Variants in AP5Z1 observed in about 807,000 individuals in gnomAD.
AP5Z1 encodes the protein AP-5 complex subunit zeta-1.
In AP5Z1, 106 loss-of-function variants were observed where a neutral mutation model predicts 83.0. The observed-to-expected ratio is 1.28, with a 90% CI of 1.09 to 1.50. The LOEUF (loss-of-function observed/expected upper bound fraction) is 1.50. Among genes scored for constraint, AP5Z1 ranks in the 40% most tolerant of loss-of-function variants. The probability of loss-of-function intolerance (pLI) is 0.00; values close to 1 mark genes in which losing one functional copy is unlikely to be tolerated. For missense variants in AP5Z1, 1,565 were observed against 1,094.2 expected, an observed-to-expected ratio of 1.43 and a Z score of -6.07; for synonymous variants, 751 against 514.1, an observed-to-expected ratio of 1.46 and a Z score of -6.23.
chr7:4,783,592 A>G (rs1000166805), intron 4 of AP5Z1, 97 bp from the exon 5 acceptor site: 23 of 1,522,686 alleles, frequency 1.5e-5, no homozygotes, highest in Non-Finnish European at 2.0e-5. Flanking sequence ...GGGACGCTGC[A>G]GGATTCTGTT....
chr7:4,781,265 C>T lies in AP5Z1; in HGVS notation c.132C>T (p.Ser44=). ...AEDLGPDTLD[S]LQRLFLIISA... ...ACTTGGGGCCGGACACCCTCGACTC[C>T]CTGCAGAGGCTCTTCCTCATCATCT... The change falls in exon 2 of 17, where the codon TCC becomes TCT. Residue 44 remains serine, a synonymous_variant. Coordinates refer to ENST00000649063, the MANE Select transcript of AP5Z1 (RefSeq NM_014855.3). 1 of 1,613,810 alleles carries T rather than the reference C, an allele frequency of 6.2e-7. No homozygotes were observed. The highest frequency in any genetic ancestry group is 1.1e-5 in the South Asian group (1 of 91,080).
Position 4,789,911 on chromosome 7 carries a change from A to G in AP5Z1, c.1787A>G (p.Tyr596Cys), listed in dbSNP as rs189075558. 1 of 1,548,286 alleles carries G rather than the reference A, an allele frequency of 6.5e-7. No individual in the cohort carries two copies. The highest frequency in any genetic ancestry group is 1.2e-5 in the South Asian group (1 of 83,926). Reference sequence around the variant, plus strand: ...GACTCGCTCTACCCGGCCCCAGGGTACGCTGCCGGTGTGCACAGGTAGGTC... The same window carrying G: ...GACTCGCTCTACCCGGCCCCAGGGTGCGCTGCCGGTGTGCACAGGTAGGTC... ...RSDSLYPAPG[Y>C]AAGVHSVLSS... The change falls in exon 14 of 17, where the codon TAC (tyrosine) becomes TGC (cysteine). Residue 596 changes from tyrosine to cysteine, a missense_variant. Coordinates refer to ENST00000649063, the MANE Select transcript of AP5Z1 (RefSeq NM_014855.3).
At chr7:4,778,253 AC>A (rs1781277253) in intron 1 of AP5Z1, among the ~76,000 whole-genome samples, 2 of 152,184 alleles carry the variant, frequency 1.3e-5, no homozygotes, top group South Asian at 4.1e-4. Flanking sequence ...TTTGGAGTGA[AC>A]TTTAGTTTCT....
At chr7:4,784,596 C>T (rs372741197) in intron 6 of AP5Z1, among the ~76,000 whole-genome samples, 2 of 152,240 alleles carry the variant, frequency 1.3e-5, no homozygotes, top group Admixed American at 6.5e-5. Context: ...CTGGACACCC[C>T]GTGACCCTCA....
Position 4,790,390 on chromosome 7 carries a change from C to G in AP5Z1, c.1806-69C>G, listed in dbSNP as rs1781722230. The G allele has an allele frequency of 1.9e-6, 3 of 1,608,258 alleles. No homozygotes were observed. The Middle Eastern group carries it at 5.0e-4, about 266-fold the overall frequency. On this transcript the variant is annotated intron_variant, in intron 14 of 16. Coordinates refer to ENST00000649063, the MANE Select transcript of AP5Z1 (RefSeq NM_014855.3). ...CAGACGCTTCCCGGGTTTCTCCAGGCCCTTGGCCTGGATGGGGATGGGGTC... is the reference window on the plus strand; with the variant it reads ...CAGACGCTTCCCGGGTTTCTCCAGGGCCTTGGCCTGGATGGGGATGGGGTC...
At chr7:4,790,424 G>C in intron 14 of AP5Z1, 35 bp from the exon 15 acceptor site, 1 of 1,612,526 alleles carries the variant, frequency 6.2e-7, no homozygotes, top group South Asian at 1.1e-5. Context: ...TCATAGGTCT[G>C]CACAGAGCAG....
intron 11 of AP5Z1, 40 bp from the exon 12 acceptor site, chr7:4,788,114 G>A: frequency 4.0e-6 from 6 of 1,490,446 alleles, no homozygotes; most frequent in Non-Finnish European, 2.7e-6. Context: ...TGAGTGCAGG[G>A]GCCGCATCCC....
rs768056824 is a variant in AP5Z1, at chr7:4,785,061, C to T, written c.931+13C>T. Reference sequence around the variant, plus strand: ...CAAAGTAACCGACGTGAGTCCCCCACCCAGGGCACTGGCCTCCCCAGGGCT... The same window carrying T: ...CAAAGTAACCGACGTGAGTCCCCCATCCAGGGCACTGGCCTCCCCAGGGCT... On this transcript the variant is annotated intron_variant, in intron 7 of 16. Transcript: ENST00000649063. 5.7e-6 allele frequency: 9 copies of T among 1,585,716 alleles called. No homozygotes were observed. Among genetic ancestry groups the T allele is most frequent in the South Asian group, 2.3e-5 (2 of 87,742 alleles).
rs1322773707 is a variant in AP5Z1, at chr7:4,792,497, AACGGAGCAGGGG to A, written c.*1115_*1126del. 1.3e-5 allele frequency: 2 copies of A among 152,304 alleles called. No individual in the cohort carries two copies. Among genetic ancestry groups the A allele is most frequent in the Non-Finnish European group, 2.9e-5 (2 of 68,158 alleles). 9.4% of individuals were successfully genotyped at this position (152,304 alleles called of 1,614,324 possible). A position where few individuals can be genotyped will look rare whatever the true frequency, so the allele number is the denominator to read the frequency against. ...TGGAGGGGGCGAGTGACGCGCAAGG[AACGGAGCAGGGG>A]ACACCGTGCGGGCTCAGGAGCTCCC... On this transcript the variant is annotated 3_prime_UTR_variant, in exon 17 of 17. Transcript: ENST00000649063.
chr7:4,783,478 C>A lies in AP5Z1; in HGVS notation c.511+18C>A. 6.2e-7 allele frequency: 1 copy of A among 1,607,964 alleles called. No homozygotes were observed. Among genetic ancestry groups the A allele is most frequent in the Non-Finnish European group, 8.5e-7 (1 of 1,177,020 alleles). Reference sequence around the variant, plus strand: ...CCAGGAGGGTACGCGGGGCCCCTCCCAAGAGGCTGTTGGGGGTCTGCCTTC... The same window carrying A: ...CCAGGAGGGTACGCGGGGCCCCTCCAAAGAGGCTGTTGGGGGTCTGCCTTC... On this transcript the variant is annotated intron_variant, in intron 4 of 16. Coordinates refer to ENST00000649063, the MANE Select transcript of AP5Z1 (RefSeq NM_014855.3).
intron 12 of AP5Z1, chr7:4,788,570 G>C (rs965815770): frequency 2.0e-6 from 1 of 504,064 alleles, no homozygotes; most frequent in East Asian, 3.2e-5. Flanking sequence ...TGGACAAACC[G>C]AGCCTGAGCC....
chr7:4,785,713 C>A lies in AP5Z1; in HGVS notation c.1132+29C>A, dbSNP rs757315810. On this transcript the variant is annotated intron_variant, in intron 9 of 16. Coordinates refer to ENST00000649063, the MANE Select transcript of AP5Z1 (RefSeq NM_014855.3). ...AGCCCAGGGTGGGGTGGCGCTGACT[C>A]GGGGCTCTGCTTCTGCCTTTAGTTT... is the stretch of plus-strand genomic sequence containing the variant. 3 of 1,440,514 alleles carry A rather than the reference C, an allele frequency of 2.1e-6. No individual in the cohort carries two copies. The African/African-American group carries it at 4.3e-5, about 21-fold the overall frequency. The allele number at this position is 1,440,514 out of a possible 1,614,324, so 89.2% of individuals were successfully genotyped here. A position where few individuals can be genotyped will look rare whatever the true frequency, so the allele number is the denominator to read the frequency against.
chr7:4,788,586 A>C, intron 12 of AP5Z1: 3 of 496,510 alleles, frequency 6.0e-6, no homozygotes, highest in Non-Finnish European at 1.1e-5. Context: ...GAGCCCAGGA[A>C]GCAGGAGGCC....
rs549896800 is a variant in AP5Z1, at chr7:4,784,757, G to T, written c.791-151G>T. 1.1e-4 allele frequency: 118 copies of T among 1,088,742 alleles called. No homozygotes were observed. The South Asian group carries it at 2.0e-3, about 18-fold the overall frequency. 67.4% of individuals were successfully genotyped at this position (1,088,742 alleles called of 1,614,324 possible). A position where few individuals can be genotyped will look rare whatever the true frequency, so the allele number is the denominator to read the frequency against. On this transcript the variant is annotated intron_variant, in intron 6 of 16. Transcript: ENST00000649063. ...GGGCGGCCGTGATGGGGAAGCTGCC[G>T]GGTGGGTGGACGTCCTGAGACGGTG...
intron 3 of AP5Z1, among the ~76,000 whole-genome samples, chr7:4,781,992 C>CA (rs1448091477): frequency 6.6e-6 from 1 of 152,220 alleles, no homozygotes; most frequent in Non-Finnish European, 1.5e-5. Context: ...TTTGGTTTCT[C>CA]AGACAGAGCC....
intron 5 of AP5Z1, among the ~76,000 whole-genome samples, 194 bp downstream of exon 5, chr7:4,783,992 G>T (rs569186400): frequency 6.6e-6 from 1 of 152,124 alleles, no homozygotes; most frequent in Non-Finnish European, 1.5e-5. Flanking sequence ...CTGTGCGCGG[G>T]TTCAGTCCCA....
intron 10 of AP5Z1, among the ~76,000 whole-genome samples, chr7:4,786,630 C>G (rs112745897): frequency 2.6e-5 from 4 of 152,176 alleles, no homozygotes; most frequent in African/African-American, 9.6e-5. Context: ...TGTCCAAGAA[C>G]TCCCTTGTGG....
rs1160242747 is a variant in AP5Z1 at position 4,785,589 on chromosome 7, G to A, written c.1037G>A (p.Ser346Asn). The A allele has an allele frequency of 6.2e-7, 1 of 1,603,474 alleles. No homozygotes were observed. The highest frequency in any genetic ancestry group is 2.2e-5 in the East Asian group (1 of 44,568). The change falls in exon 9 of 17, where the codon AGT becomes AAT. Residue 346 changes from serine (S) to asparagine (N), a missense_variant. Ser to Asn is a conservative substitution (Grantham distance 46). Coordinates refer to ENST00000649063, the MANE Select transcript of AP5Z1 (RefSeq NM_014855.3). Reference protein sequence around the residue: ...CRQDPSFLYRSLSCLKALHGR... With the variant: ...CRQDPSFLYRNLSCLKALHGR... ...CAGGACCCGTCCTTCCTGTACCGAA[G>A]TCTCTCCTGCCTGAAGGCCCTGCAC... is the stretch of plus-strand genomic sequence containing the variant.
rs951037616 is a variant in AP5Z1 at position 4,790,951 on chromosome 7, C to T, written c.2153+64C>T. On this transcript the variant is annotated intron_variant, in intron 16 of 16. Transcript: ENST00000649063. ...GGGGAAGAGAGGTGGCTTCTGAGGT[C>T]TTCCCATCCAGGTGTTGTGAAATGG... 1.3e-5 allele frequency: 19 copies of T among 1,503,386 alleles called. No homozygotes were observed. The African/African-American group carries it at 1.5e-4, about 12-fold the overall frequency. 93.1% of individuals were successfully genotyped at this position (1,503,386 alleles called of 1,614,324 possible).
Sources: allele counts gnomAD v4.1 joint callset (sites outside exome capture counted in the v4.1 genomes callset), GRCh38; gene constraint gnomAD v4.1.1; transcripts MANE v1.5; gene names NCBI Gene and HGNC (gene_info 2026-07-23, HGNC 2026-07-21).